BRWD1: variants seen among roughly 807,000 people sequenced by gnomAD.
BRWD1 encodes the protein bromodomain and WD repeat domain containing 1, also known as bromodomain and WD repeat-containing protein 1.
In BRWD1, 82 loss-of-function variants were observed where a neutral mutation model predicts 251.2. The ratio of observed to expected loss-of-function variants is 0.33; its 90% CI spans 0.27 to 0.39. BRWD1 has a LOEUF of 0.39. Among genes scored for constraint, BRWD1 ranks in the 10% least tolerant of loss-of-function variants. The probability of loss-of-function intolerance (pLI) is 1.00; values close to 1 mark genes in which losing one functional copy is unlikely to be tolerated. For missense variants in BRWD1, 2,233 were observed against 2,711.6 expected, an observed-to-expected ratio of 0.82 and a Z score of 3.92; for synonymous variants, 918 against 902.8, an observed-to-expected ratio of 1.02 and a Z score of -0.30.
In BRWD1 at chr21:39,192,769, G is replaced by T. The variant is rs1319055210; in HGVS notation, c.*3490C>A. 2.0e-6 allele frequency: 2 copies of T among 985,058 alleles called. No individual in the cohort carries two copies. Among genetic ancestry groups the T allele is most frequent in the Non-Finnish European group, 2.4e-6 (2 of 829,712 alleles). The allele number at this position is 985,058 out of a possible 1,614,324, so 61.0% of individuals were successfully genotyped here. A position where few individuals can be genotyped will look rare whatever the true frequency, so the allele number is the denominator to read the frequency against. On this transcript the variant is annotated 3_prime_UTR_variant, in exon 41 of 41. Coordinates refer to ENST00000342449, the MANE Select transcript of BRWD1 (RefSeq NM_033656.4). Reference sequence around the variant, plus strand: ...AGTGGAAAGGAAAACAAAAAAGATCGTAAGCACCTTTAACAATGTTCTTGC... The same window carrying T: ...AGTGGAAAGGAAAACAAAAAAGATCTTAAGCACCTTTAACAATGTTCTTGC...
intron 36 of BRWD1, among the ~76,000 whole-genome samples, chr21:39,207,451 A>AATACACACACACAC (rs375444336): frequency 7.6e-6 from 1 of 131,288 alleles, no homozygotes; most frequent in Non-Finnish European, 1.6e-5. Context: ...AAAAAAAGAA[A>AATACACACACACAC]ACACACACAC....
intron 15 of BRWD1, among the ~76,000 whole-genome samples, chr21:39,265,883 T>C (rs906661040): frequency 2.6e-5 from 4 of 152,232 alleles, no homozygotes; most frequent in African/African-American, 9.6e-5. Context: ...ATGCTCTAAG[T>C]CTATCATGAG....
rs891471166 is a variant in BRWD1, at chr21:39,188,017, G to C, written c.*8242C>G. ...TGCAGACTAAGGCAGTTTTTAGAGG[G>C]GGCTTGAAATCACACTGGAGCTCTA... On this transcript the variant is annotated 3_prime_UTR_variant, in exon 41 of 41. Coordinates refer to ENST00000342449, the MANE Select transcript of BRWD1 (RefSeq NM_033656.4). 1.0e-6 allele frequency: 1 copy of C among 978,936 alleles called. No individual in the cohort carries two copies. The highest frequency in any genetic ancestry group is 1.8e-5 in the African/African-American group (1 of 55,000). 60.6% of individuals were successfully genotyped at this position (978,936 alleles called of 1,614,324 possible).
intron 21 of BRWD1, among the ~76,000 whole-genome samples, chr21:39,245,233 A>T (rs1486537415): frequency 4.6e-5 from 7 of 151,958 alleles, no homozygotes; most frequent in African/African-American, 1.7e-4. Context: ...ACAGAGCAAG[A>T]CCCTGTCTCA....
intron 8 of BRWD1, among the ~76,000 whole-genome samples, chr21:39,286,691 T>C (rs906889643): frequency 2.0e-5 from 3 of 151,902 alleles, no homozygotes; most frequent in African/African-American, 7.3e-5. Context: ...ATTTTTTGTA[T>C]TTTTAATACA....
intron 32 of BRWD1, among the ~76,000 whole-genome samples, chr21:39,213,834 G>A (rs1230465662): frequency 6.6e-6 from 1 of 151,528 alleles, no homozygotes; most frequent in East Asian, 1.9e-4. Context: ...ATGAATACAT[G>A]GATGAGTTTT....
chr21:39,260,012 C>T lies in BRWD1; in HGVS notation c.1886-1340G>A, dbSNP rs557611559. Among the ~76,000 whole-genome samples, 7 of 152,110 alleles carry T rather than the reference C, an allele frequency of 4.6e-5. No homozygotes were observed. The South Asian group carries it at 1.2e-3, about 27-fold the overall frequency. ...CCATCCTGCTACCTGAGTAAGACTCCCTTGCATATCACTGATAATGTCTTT... is the reference window on the plus strand; with the variant it reads ...CCATCCTGCTACCTGAGTAAGACTCTCTTGCATATCACTGATAATGTCTTT... On this transcript the variant is annotated intron_variant, in intron 17 of 40. Transcript: ENST00000342449.
upstream of BRWD1, among the ~76,000 whole-genome samples, chr21:39,316,297 A>G (rs1424825806): frequency 1.3e-5 from 2 of 152,178 alleles, no homozygotes; most frequent in African/African-American, 2.4e-5. Flanking sequence ...GGGCTTTCCA[A>G]GGTTGTGCCA....
chr21:39,255,884 T>C (rs1277226362), intron 18 of BRWD1, 56 bp from the exon 19 acceptor site: 4 of 1,497,658 alleles, frequency 2.7e-6, no homozygotes, highest in Non-Finnish European at 3.7e-6. Context: ...AATATACATT[T>C]AGCATGTAAC....
rs2031755299 is a variant in BRWD1 at position 39,195,323 on chromosome 21, T to C, written c.*936A>G. 9.0e-6 allele frequency: 9 copies of C among 999,714 alleles called. No individual in the cohort carries two copies. Among genetic ancestry groups the C allele is most frequent in the Non-Finnish European group, 1.1e-5 (9 of 839,312 alleles). The allele number at this position is 999,714 out of a possible 1,614,324, so 61.9% of individuals were successfully genotyped here. Reference sequence around the variant, plus strand: ...AATACAGATGGGGGAAACCTACATATTAACTTAAATACTCTTTTAGCCCTG... The same window carrying C: ...AATACAGATGGGGGAAACCTACATACTAACTTAAATACTCTTTTAGCCCTG... On this transcript the variant is annotated 3_prime_UTR_variant, in exon 41 of 41. Coordinates refer to ENST00000342449, the MANE Select transcript of BRWD1 (RefSeq NM_033656.4).
At chr21:39,205,317 A>G (rs2032336047) in intron 37 of BRWD1, among the ~76,000 whole-genome samples, 1 of 152,026 alleles carries the variant, frequency 6.6e-6, no homozygotes, top group Non-Finnish European at 1.5e-5. Context: ...ACAAAAAATA[A>G]TTTTTAAAAA....
chr21:39,230,349 C>T (rs2033561433), intron 25 of BRWD1, among the ~76,000 whole-genome samples: 1 of 152,136 alleles, frequency 6.6e-6, no homozygotes, highest in African/African-American at 2.4e-5. Flanking sequence ...ATTCACTGAA[C>T]AAATGTTATT....
chr21:39,218,280 G>A lies in BRWD1; in HGVS notation c.3539-8C>T. On this transcript the variant is annotated splice_polypyrimidine_tract_variant and splice_region_variant and intron_variant, in intron 30 of 40. Coordinates refer to ENST00000342449, the MANE Select transcript of BRWD1 (RefSeq NM_033656.4). ...CAAAAGCTGCTGCTATATCTGTTAG[G>A]GAAGACAGGAGAGTTTTTAATCAAT... 4.4e-6 allele frequency: 7 copies of A among 1,595,564 alleles called. No individual in the cohort carries two copies. The highest frequency in any genetic ancestry group is 6.0e-6 in the Non-Finnish European group (7 of 1,175,144).
intron 16 of BRWD1, 35 bp downstream of exon 16, chr21:39,264,856 T>C: frequency 1.9e-6 from 3 of 1,602,826 alleles, no homozygotes; most frequent in South Asian, 2.2e-5. Context: ...CTGATAACTA[T>C]TACTTGCATG....
At chr21:39,272,379 T>A (rs1220570202) in intron 13 of BRWD1, among the ~76,000 whole-genome samples, 4 of 149,308 alleles carry the variant, frequency 2.7e-5, no homozygotes, top group Admixed American at 1.3e-4. Flanking sequence ...ACAAAAAAAA[T>A]TAGCCGGGCA....
chr21:39,208,748 T>C (rs2032528313), intron 36 of BRWD1, among the ~76,000 whole-genome samples: 1 of 152,054 alleles, frequency 6.6e-6, no homozygotes, highest in Admixed American at 6.5e-5. Flanking sequence ...TTTTTATCTC[T>C]AGTAGAGAAG....
intron 21 of BRWD1, among the ~76,000 whole-genome samples, chr21:39,239,399 A>G (rs2033916384): frequency 6.6e-6 from 1 of 152,118 alleles, no homozygotes; most frequent in Non-Finnish European, 1.5e-5. Flanking sequence ...TTTGTATGTG[A>G]ATGTCCAGTT....
At chr21:39,296,146 A>C in intron 6 of BRWD1, 119 bp downstream of exon 6, 1 of 761,014 alleles carries the variant, frequency 1.3e-6, no homozygotes, top group South Asian at 3.5e-5. Flanking sequence ...GATACTTATT[A>C]CTATTAAAAC....
chr21:39,187,189 A>G lies in BRWD1; in HGVS notation c.*9070T>C. The G allele has an allele frequency of 6.2e-7, 1 of 1,613,652 alleles. No individual in the cohort carries two copies. The highest frequency in any genetic ancestry group is 8.5e-7 in the Non-Finnish European group (1 of 1,179,882). On this transcript the variant is annotated 3_prime_UTR_variant, in exon 41 of 41. Coordinates refer to ENST00000342449, the MANE Select transcript of BRWD1 (RefSeq NM_033656.4). ...CGCAGCAGAAGCATTTCGATGGGGC[A>G]GTTTTCTGCTACTCTTCCTAATCCA...
Sources: allele counts gnomAD v4.1 joint callset (sites outside exome capture counted in the v4.1 genomes callset), GRCh38; gene constraint gnomAD v4.1.1; transcripts MANE v1.5; gene names NCBI Gene and HGNC (gene_info 2026-07-23, HGNC 2026-07-21).